CDC20B: variants seen among roughly 807,000 people sequenced by gnomAD.
CDC20B encodes the protein cell division cycle protein 20 homolog B.
A neutral mutation model predicts 64.1 loss-of-function variants in CDC20B; 58 were observed. The ratio of observed to expected loss-of-function variants is 0.90; its 90% CI spans 0.73 to 1.13. The LOEUF (loss-of-function observed/expected upper bound fraction) is 1.13. CDC20B is among the 50% of genes most tolerant of loss of function. The pLI is 0.00. For missense variants in CDC20B, 597 were observed against 633.0 expected, an observed-to-expected ratio of 0.94 and a Z score of 0.61; for synonymous variants, 243 against 230.6, an observed-to-expected ratio of 1.05 and a Z score of -0.49.
At chr5:55,167,680 G>C (rs1233576896) in intron 2 of CDC20B, among the ~76,000 whole-genome samples, 1 of 152,094 alleles carries the variant, frequency 6.6e-6, no homozygotes, top group Non-Finnish European at 1.5e-5. Context: ...GGGCAACATG[G>C]CAAAACCCTG....
At chr5:55,143,031 T>G (rs1257911894) in intron 4 of CDC20B, among the ~76,000 whole-genome samples, 1 of 152,066 alleles carries the variant, frequency 6.6e-6, no homozygotes, top group Admixed American at 6.6e-5. Context: ...TACCTAAATG[T>G]AATAAATGTA....
intron 2 of CDC20B, among the ~76,000 whole-genome samples, chr5:55,158,897 G>A (rs1259324450): frequency 2.6e-5 from 4 of 152,172 alleles, no homozygotes; most frequent in African/African-American, 7.2e-5. Flanking sequence ...ATTAGATGAC[G>A]TGCCCAAGTA....
Position 55,173,078 on chromosome 5 carries a change from G to T in CDC20B, c.-78C>A. 1 of 1,309,850 alleles carries T rather than the reference G, an allele frequency of 7.6e-7. No individual in the cohort carries two copies. The highest frequency in any genetic ancestry group is 1.1e-6 in the Non-Finnish European group (1 of 927,054). 81.1% of individuals were successfully genotyped at this position (1,309,850 alleles called of 1,614,324 possible). A position where few individuals can be genotyped will look rare whatever the true frequency, so the allele number is the denominator to read the frequency against. On this transcript the variant is annotated 5_prime_UTR_variant, in exon 1 of 12. The change creates a new upstream start codon in the 5' untranslated region. Coordinates refer to ENST00000381375, the MANE Select transcript of CDC20B (RefSeq NM_001170402.1). Reference sequence around the variant, plus strand: ...TGGTTTTCTTCCCAGGTCTAAGTCAGTCTTGACGCCTAATCGTCAAACCCC... The same window carrying T: ...TGGTTTTCTTCCCAGGTCTAAGTCATTCTTGACGCCTAATCGTCAAACCCC...
At chr5:55,172,785 G>C (rs965340305) in intron 1 of CDC20B, 135 bp from the exon 2 acceptor site, 73 of 790,408 alleles carry the variant, frequency 9.2e-5, no homozygotes, top group Non-Finnish European at 1.4e-4. Context: ...TGGCAACTAG[G>C]CACCTTCAGA....
At chr5:55,160,787 C>A in intron 2 of CDC20B, 1 of 519,058 alleles carries the variant, frequency 1.9e-6, no homozygotes, top group Non-Finnish European at 3.3e-6. Context: ...GTATCTAATG[C>A]TTTTTTAATG....
In CDC20B at chr5:55,124,785, A is replaced by G. The variant is rs201563549; in HGVS notation, c.1215+18T>C. 1,431 of 1,599,762 alleles carry G rather than the reference A, an allele frequency of 8.9e-4. 2 individuals are homozygous for G. Among genetic ancestry groups the G allele is most frequent in the Non-Finnish European group, 1.1e-3 (1,280 of 1,168,292 alleles). On this transcript the variant is annotated intron_variant, in intron 9 of 11. Transcript: ENST00000381375. ...CCTCTGAGTAACAGGAAACCTAGAA[A>G]TCTATTGGGTTTCTTACCTTGACTG... is the stretch of plus-strand genomic sequence containing the variant.
In CDC20B at chr5:55,153,689, T is replaced by C. The variant is rs568040761; in HGVS notation, c.127-6833A>G. On this transcript the variant is annotated intron_variant, in intron 2 of 11. Transcript: ENST00000381375. ...TTGAATGGAGATTTATTTATCAAAA[T>C]TGTTGATTACTCTAAGCTGAAAATA... Among the ~76,000 whole-genome samples the C allele has an allele frequency of 3.3e-5, 5 of 152,328 alleles. No homozygotes were observed. The East Asian group carries it at 9.6e-4, about 29-fold the overall frequency.
intron 2 of CDC20B, among the ~76,000 whole-genome samples, chr5:55,162,693 G>A (rs1482637558): frequency 6.6e-6 from 1 of 152,244 alleles, no homozygotes; most frequent in Non-Finnish European, 1.5e-5. Flanking sequence ...GGTCCACTGA[G>A]GAAAGAAAAG....
At chr5:55,135,231 G>C (rs1298241178) in intron 5 of CDC20B, among the ~76,000 whole-genome samples, 8 of 149,802 alleles carry the variant, frequency 5.3e-5, no homozygotes, top group African/African-American at 1.5e-4. Context: ...GTGTGTGTGT[G>C]TCTATATATA....
chr5:55,160,588 C>A, intron 2 of CDC20B: 1 of 550,794 alleles, frequency 1.8e-6, no homozygotes, highest in Admixed American at 3.5e-5. Flanking sequence ...CCGATTATCT[C>A]GTTTTCTTTA....
chr5:55,163,284 C>T (rs1013298484), intron 2 of CDC20B, among the ~76,000 whole-genome samples: 34 of 151,946 alleles, frequency 2.2e-4, no homozygotes, highest in Non-Finnish European at 4.6e-4. Context: ...CTTTGGGAGG[C>T]CAAGACAGGA....
intron 7 of CDC20B, 53 bp downstream of exon 7, chr5:55,128,368 T>C (rs1742945442): frequency 2.2e-6 from 3 of 1,382,034 alleles, no homozygotes; most frequent in Non-Finnish European, 2.9e-6. Context: ...AAGTCAATTA[T>C]AGTGTAATAA....
intron 3 of CDC20B, among the ~76,000 whole-genome samples, chr5:55,144,316 C>T (rs1276827391): frequency 6.6e-6 from 1 of 152,180 alleles, no homozygotes; most frequent in Non-Finnish European, 1.5e-5. Context: ...ACTCTCTTCT[C>T]AAGATTGAGA....
Position 55,173,053 on chromosome 5 carries a change from T to C in CDC20B, c.-53A>G, listed in dbSNP as rs1336049091. ...TTTGGCCTCTCTGCTCGACTGCCTC[T>C]GGTTTTCTTCCCAGGTCTAAGTCAG... On this transcript the variant is annotated 5_prime_UTR_variant, in exon 1 of 12. Transcript: ENST00000381375. 4.6e-6 allele frequency: 7 copies of C among 1,519,480 alleles called. No homozygotes were observed. The highest frequency in any genetic ancestry group is 1.4e-5 in the African/African-American group (1 of 72,772). 94.1% of individuals were successfully genotyped at this position (1,519,480 alleles called of 1,614,324 possible).
intron 7 of CDC20B, among the ~76,000 whole-genome samples, chr5:55,127,735 G>A (rs1160187328): frequency 2.6e-5 from 4 of 152,222 alleles, no homozygotes; most frequent in Non-Finnish European, 2.9e-5. Flanking sequence ...GTGGGTACCC[G>A]GACACTTCCT....
At chr5:55,142,520 T>C (rs932966351) in intron 4 of CDC20B, among the ~76,000 whole-genome samples, 1 of 151,910 alleles carries the variant, frequency 6.6e-6, no homozygotes, top group Admixed American at 6.6e-5. Context: ...CCAGAAAGGA[T>C]AAGAGGAAGG....
At chr5:55,158,443 T>C (rs1743876538) in intron 2 of CDC20B, among the ~76,000 whole-genome samples, 1 of 152,252 alleles carries the variant, frequency 6.6e-6, no homozygotes, top group Admixed American at 6.5e-5. Flanking sequence ...CTTTTTCTAC[T>C]GTATCCATTC....
Position 55,114,294 on chromosome 5 carries a change from A to G in CDC20B, c.1484T>C (p.Leu495Pro), listed in dbSNP as rs1434072623. The change falls in exon 12 of 12, where the codon CTG becomes CCG. Residue 495 changes from leucine to proline, a missense_variant. By Grantham distance (98) the Leu-to-Pro change is moderately conservative. Transcript: ENST00000381375. The surrounding 1 kb of genome is among the most constrained non-coding windows in gnomAD (Gnocchi z 4.1). ...CCGGGTCTGGTCTGGACTCAAAGAC[A>G]GGTGCAGCACTCTGCCCCTGTGGCC... ...FFGHRGRVLH[L>P]SLSPDQTRVF... The G allele has an allele frequency of 2.5e-6, 4 of 1,613,980 alleles. No individual in the cohort carries two copies. Among genetic ancestry groups the G allele is most frequent in the Admixed American group, 1.7e-5 (1 of 60,018 alleles).
At chr5:55,139,810 C>T (rs1002320178) in intron 5 of CDC20B, among the ~76,000 whole-genome samples, 9 of 151,948 alleles carry the variant, frequency 5.9e-5, no homozygotes, top group Middle Eastern at 3.4e-3. Context: ...GGGTCACTTG[C>T]GGCCAGGAGT....
Sources: allele counts gnomAD v4.1 joint callset (sites outside exome capture counted in the v4.1 genomes callset), GRCh38; gene constraint gnomAD v4.1.1; non-coding constraint Gnocchi (gnomAD v3.1); transcripts MANE v1.5; gene names NCBI Gene and HGNC (gene_info 2026-07-23, HGNC 2026-07-21).